SLC25A20: variants seen among roughly 807,000 people sequenced by gnomAD.
SLC25A20 encodes the protein solute carrier family 25 member 20.
In SLC25A20, 29 loss-of-function variants were observed where a neutral mutation model predicts 39.7. The ratio of observed to expected loss-of-function variants is 0.73; its 90% CI spans 0.54 to 1.00. The LOEUF is 1.00. SLC25A20 is among the 50% of genes least tolerant of loss of function. The pLI, the probability that SLC25A20 is intolerant of heterozygous loss-of-function variation, is 0.00. For synonymous variants in SLC25A20, 103 were observed against 142.2 expected (o/e 0.72, Z 1.96); for missense variants, 333 against 379.9 (o/e 0.88, Z 1.03).
At chr3:48,897,550 T>G (rs986467144) in intron 1 of SLC25A20, among the ~76,000 whole-genome samples, 4 of 151,830 alleles carry the variant, frequency 2.6e-5, no homozygotes, top group African/African-American at 9.7e-5. Flanking sequence ...AAATAAACAT[T>G]TGATTTCATG....
In SLC25A20 at chr3:48,857,460, T is replaced by C; in HGVS notation, c.*250A>G. ...AGGTAGTATCTGGTCTGGAAGCTAC[T>C]TGTTCCATTTCCAAATCCTTTTAAG... On this transcript the variant is annotated 3_prime_UTR_variant, in exon 9 of 9. Coordinates refer to ENST00000319017, the MANE Select transcript of SLC25A20 (RefSeq NM_000387.6). 1 of 517,978 alleles carries C rather than the reference T, an allele frequency of 1.9e-6. No individual in the cohort carries two copies. The highest frequency in any genetic ancestry group is 3.5e-6 in the Non-Finnish European group (1 of 283,410). The allele number at this position is 517,978 out of a possible 1,614,324, so 32.1% of individuals were successfully genotyped here.
At chr3:48,862,094 G>A (rs1011432675) in intron 5 of SLC25A20, among the ~76,000 whole-genome samples, 1 of 152,052 alleles carries the variant, frequency 6.6e-6, no homozygotes, top group Non-Finnish European at 1.5e-5. Flanking sequence ...AGTCCATGTG[G>A]GCAAGTGACA....
At chr3:48,886,819 C>T (rs2083832655) in intron 2 of SLC25A20, among the ~76,000 whole-genome samples, 1 of 152,054 alleles carries the variant, frequency 6.6e-6, no homozygotes, top group Non-Finnish European at 1.5e-5. Context: ...CATCTCAAAA[C>T]CATTTTTTTA....
chr3:48,875,731 T>C (rs573739295), intron 4 of SLC25A20, among the ~76,000 whole-genome samples: 10 of 152,166 alleles, frequency 6.6e-5, no homozygotes, highest in African/African-American at 2.4e-4. Flanking sequence ...TAAAATCCAG[T>C]CCATGCTGGG....
intron 2 of SLC25A20, among the ~76,000 whole-genome samples, chr3:48,888,672 C>T (rs1248476383): frequency 3.9e-5 from 6 of 152,118 alleles, no homozygotes; most frequent in South Asian, 2.1e-4. Context: ...GGAACAACTT[C>T]GCCAAGGCTG....
intron 5 of SLC25A20, among the ~76,000 whole-genome samples, chr3:48,861,677 A>G (rs1452506930): frequency 6.6e-6 from 1 of 152,126 alleles, no homozygotes; most frequent in Non-Finnish European, 1.5e-5. Flanking sequence ...CAGTGAGCTG[A>G]GAATGCACCA....
chr3:48,873,117 G>C (rs1295199445), intron 4 of SLC25A20, among the ~76,000 whole-genome samples: 1 of 151,096 alleles, frequency 6.6e-6, no homozygotes, highest in Non-Finnish European at 1.5e-5. Flanking sequence ...CCAGCTACTG[G>C]GGAGGCTGAG....
At chr3:48,891,166 C>T (rs1400771409) in intron 2 of SLC25A20, among the ~76,000 whole-genome samples, 1 of 152,008 alleles carries the variant, frequency 6.6e-6, no homozygotes, top group African/African-American at 2.4e-5. Flanking sequence ...CCTCCCCGTC[C>T]TGGGTTCAAG....
chr3:48,878,468 G>C (rs2083778310), intron 4 of SLC25A20, among the ~76,000 whole-genome samples: 1 of 150,172 alleles, frequency 6.7e-6, no homozygotes, highest in Non-Finnish European at 1.5e-5. Context: ...TGAGTAGCTG[G>C]GACCACAGAT....
intron 4 of SLC25A20, among the ~76,000 whole-genome samples, chr3:48,867,782 C>T (rs1484369349): frequency 6.7e-6 from 1 of 149,950 alleles, no homozygotes; most frequent in African/African-American, 2.4e-5. Context: ...GCAGGGTGGC[C>T]GGGCATGGTG....
intron 4 of SLC25A20, among the ~76,000 whole-genome samples, chr3:48,863,651 G>C (rs1195465663): frequency 6.6e-6 from 1 of 152,182 alleles, no homozygotes; most frequent in Non-Finnish European, 1.5e-5. Flanking sequence ...AGCTTTAACA[G>C]TTCCAAAGAG....
rs1216402064 is a variant in SLC25A20 at position 48,879,350 on chromosome 3, A to C, written c.417+8T>G. 1 of 1,595,212 alleles carries C rather than the reference A, an allele frequency of 6.3e-7. No individual in the cohort carries two copies. Among genetic ancestry groups the C allele is most frequent in the Admixed American group, 1.7e-5 (1 of 59,992 alleles). Reference sequence around the variant, plus strand: ...AAAAAGCTATTTCCCCTCCAATCACAACCTTACCTGTAATAAGCACTTGAT... The same window carrying C: ...AAAAAGCTATTTCCCCTCCAATCACCACCTTACCTGTAATAAGCACTTGAT... On this transcript the variant is annotated splice_region_variant and intron_variant, in intron 4 of 8. Coordinates refer to ENST00000319017, the MANE Select transcript of SLC25A20 (RefSeq NM_000387.6).
At chr3:48,872,063 A>C (rs921633699) in intron 4 of SLC25A20, among the ~76,000 whole-genome samples, 2 of 140,984 alleles carry the variant, frequency 1.4e-5, no homozygotes, top group African/African-American at 5.3e-5. Flanking sequence ...TCATGGGCTC[A>C]AGCAATCCAC....
intron 4 of SLC25A20, 89 bp downstream of exon 4, chr3:48,879,268 AG>A: frequency 1.0e-6 from 1 of 990,322 alleles, no homozygotes; most frequent in Non-Finnish European, 1.6e-6. Flanking sequence ...CCAGTCCTGA[AG>A]CCTTTATTAA....
chr3:48,884,280 A>C (rs934529411), intron 2 of SLC25A20, among the ~76,000 whole-genome samples, 156 bp from the exon 3 acceptor site: 8 of 152,330 alleles, frequency 5.3e-5, no homozygotes, highest in Non-Finnish European at 8.8e-5. Flanking sequence ...CACATTTATC[A>C]GAAATAATTT....
At chr3:48,873,762 G>C (rs2083735025) in intron 4 of SLC25A20, among the ~76,000 whole-genome samples, 1 of 148,130 alleles carries the variant, frequency 6.8e-6, no homozygotes, top group African/African-American at 2.5e-5. Flanking sequence ...GGCGGATCAC[G>C]AGGTCAGGAG....
chr3:48,861,014 A>C (rs1007502826), intron 5 of SLC25A20, among the ~76,000 whole-genome samples: 1 of 151,590 alleles, frequency 6.6e-6, no homozygotes, highest in Non-Finnish European at 1.5e-5. Flanking sequence ...TTTTTAGTAG[A>C]GATGGGGTTT....
intron 4 of SLC25A20, among the ~76,000 whole-genome samples, chr3:48,879,052 G>A (rs2083781535): frequency 6.6e-6 from 1 of 151,952 alleles, no homozygotes; most frequent in African/African-American, 2.4e-5. Context: ...TGTATTTTTA[G>A]TAGAGACGGG....
At chr3:48,890,842 G>C (rs1174790496) in intron 2 of SLC25A20, among the ~76,000 whole-genome samples, 1 of 150,860 alleles carries the variant, frequency 6.6e-6, no homozygotes, top group African/African-American at 2.4e-5. Context: ...TTTTAGTAGA[G>C]ATGGGGTTTC....
Sources: allele counts gnomAD v4.1 joint callset (sites outside exome capture counted in the v4.1 genomes callset), GRCh38; gene constraint gnomAD v4.1.1; transcripts MANE v1.5; gene names NCBI Gene and HGNC (gene_info 2026-07-23, HGNC 2026-07-21).